The following ZNF658 variants were observed in gnomAD, a reference collection of about 807,000 sequenced individuals.
ZNF658 encodes zinc finger protein 658.
ZNF658 carries 46 observed loss-of-function variants against 78.0 expected under a neutral mutation model. The observed-to-expected ratio is 0.59, with a 90% CI of 0.47 to 0.75. The LOEUF (loss-of-function observed/expected upper bound fraction) is 0.75, where lower values mean the gene tolerates loss of function less well. Among genes scored for constraint, ZNF658 ranks in the 30% least tolerant of loss-of-function variants. The pLI is 0.00. For missense variants in ZNF658, 785 were observed against 1,189.3 expected, an observed-to-expected ratio of 0.66 and a Z score of 5.00; for synonymous variants, 279 against 408.4, an observed-to-expected ratio of 0.68 and a Z score of 3.82.
At position 66,908,524 on chromosome 9, in the gene ZNF658, C is replaced by A. The variant is rs1822134732; in HGVS notation, c.143-115C>A. 5 of 1,449,078 alleles carry A rather than the reference C, an allele frequency of 3.5e-6. No individual in the cohort carries two copies. The Admixed American group carries it at 1.3e-4, about 39-fold the overall frequency. 89.8% of individuals were successfully genotyped at this position (1,449,078 alleles called of 1,614,324 possible). On this transcript the variant is annotated intron_variant, in intron 3 of 4. Transcript: ENST00000621410. ...ACAAAAGCAACATGTCATTACTTTCCCATTAAAAATTTCAAATGAACACCC... is the reference window on the plus strand; with the variant it reads ...ACAAAAGCAACATGTCATTACTTTCACATTAAAAATTTCAAATGAACACCC...
intron 4 of ZNF658, among the ~76,000 whole-genome samples, chr9:66,909,589 G>A (rs1206570943): frequency 6.6e-6 from 1 of 151,858 alleles, no homozygotes; most frequent in Non-Finnish European, 1.5e-5. Context: ...TCCTAGGAGT[G>A]AAACTGCTGG....
intron 1 of ZNF658, 122 bp downstream of exon 1, chr9:66,900,958 C>A (rs575249674): frequency 6.6e-6 from 1 of 152,092 alleles, no homozygotes; most frequent in Non-Finnish European, 1.5e-5. Flanking sequence ...CTCTCCTCCC[C>A]GGCCCAGTGC....
In ZNF658 at chr9:66,917,837, C is replaced by T. The variant is rs748752930; in HGVS notation, c.271C>T (p.Arg91Trp). 1,785 of 1,464,896 alleles carry T rather than the reference C, an allele frequency of 1.2e-3. 15 individuals are homozygous for T. The highest frequency in any genetic ancestry group is 9.4e-3 in the Middle Eastern group (39 of 4,146). The allele number at this position is 1,464,896 out of a possible 1,614,324, so 90.7% of individuals were successfully genotyped here. ...YFKVDHIKGIREKQEKPLWQE... is the reference protein window; with the variant it reads ...YFKVDHIKGIWEKQEKPLWQE... ...TAAAGTTGATCACATCAAAGGGATCCGGGAAAAACAAGAAAAACCTCTGTG... is the reference window on the plus strand; with the variant it reads ...TAAAGTTGATCACATCAAAGGGATCTGGGAAAAACAAGAAAAACCTCTGTG... The change falls in exon 5 of 5, where the codon CGG (arginine) becomes TGG (tryptophan). Residue 91 changes from arginine (R) to tryptophan (W), a missense_variant. Coordinates refer to ENST00000621410, the MANE Select transcript of ZNF658 (RefSeq NM_033160.7).
chr9:66,918,759 A>G lies in ZNF658; in HGVS notation c.1193A>G (p.His398Arg), dbSNP rs1464351183. The G allele has an allele frequency of 6.8e-6, 11 of 1,613,822 alleles. No individual in the cohort carries two copies. The highest frequency in any genetic ancestry group is 1.6e-4 in the Middle Eastern group (1 of 6,078). ...AGAAAATCCTTTTACCGGAAAGCAC[A>G]CCTCATTCAGCATCAGAGGCCCCAC... ...KCRKSFYRKAHLIQHQRPHSG... is the reference protein window; with the variant it reads ...KCRKSFYRKARLIQHQRPHSG... The change falls in exon 5 of 5, where the codon CAC becomes CGC. Residue 398 changes from histidine (H) to arginine (R), a missense_variant. His to Arg is a conservative substitution (Grantham distance 29, BLOSUM62 0). Coordinates refer to ENST00000621410, the MANE Select transcript of ZNF658 (RefSeq NM_033160.7).
chr9:66,930,700 C>T (rs1365395522), intron 6 of ZNF658, among the ~76,000 whole-genome samples: 5 of 152,056 alleles, frequency 3.3e-5, no homozygotes, highest in African/African-American at 1.2e-4. Context: ...AATTTTCTCA[C>T]ATTTTTTCAA....
intron 4 of ZNF658, among the ~76,000 whole-genome samples, chr9:66,909,097 G>A (rs1218572650): frequency 1.3e-5 from 2 of 150,036 alleles, no homozygotes; most frequent in African/African-American, 4.9e-5. Flanking sequence ...ATGCCATTTT[G>A]TATCAAGGAC....
chr9:66,918,298 G>A lies in ZNF658; in HGVS notation c.732G>A (p.Lys244=), dbSNP rs1822390981. 3 of 1,613,700 alleles carry A rather than the reference G, an allele frequency of 1.9e-6. No individual in the cohort carries two copies. The highest frequency in any genetic ancestry group is 2.5e-6 in the Non-Finnish European group (3 of 1,179,826). The change falls in exon 5 of 5, where the codon AAG becomes AAA. Residue 244 remains lysine (K), a synonymous_variant. Transcript: ENST00000621410. The part of the protein sequence containing the change: ...QSFLTGEKSC[K]DDEFRKNFDK... ...TTCTAACAGGAGAAAAGTCCTGTAA[G>A]GATGATGAATTTAGAAAAAACTTTG...
intron 4 of ZNF658, among the ~76,000 whole-genome samples, chr9:66,909,004 T>C (rs561958879): frequency 2.0e-5 from 3 of 152,200 alleles, no homozygotes; most frequent in Non-Finnish European, 4.4e-5. Context: ...GTACATGGCA[T>C]TTACATTGTA....
chr9:66,926,030 T>C (rs1310871878), downstream of ZNF658, among the ~76,000 whole-genome samples: 4 of 135,154 alleles, frequency 3.0e-5, no homozygotes, highest in African/African-American at 1.0e-4. Flanking sequence ...TTGATAAAAT[T>C]TGACACTTTT....
At chr9:66,909,880 T>C (rs957588829) in intron 4 of ZNF658, among the ~76,000 whole-genome samples, 14 of 152,206 alleles carry the variant, frequency 9.2e-5, no homozygotes, top group African/African-American at 3.4e-4. Context: ...CTCATGATTC[T>C]GGAGGCTGGG....
rs566267403 is a variant in ZNF658, at chr9:66,918,698, G to C, written c.1132G>C (p.Asp378His). The change falls in exon 5 of 5, where the codon GAT becomes CAT. Residue 378 changes from aspartate (D) to histidine (H), a missense_variant. Coordinates refer to ENST00000621410, the MANE Select transcript of ZNF658 (RefSeq NM_033160.7). The part of the protein sequence containing the change: ...FTAHQRIHTE[D>H]KFYLSDEHGK... ...AGCACATCAGAGAATTCACACAGAA[G>C]ATAAATTCTACCTTTCTGATGAACA... is the stretch of plus-strand genomic sequence containing the variant. 6.2e-7 allele frequency: 1 copy of C among 1,613,778 alleles called. No individual in the cohort carries two copies. Among genetic ancestry groups the C allele is most frequent in the Non-Finnish European group, 8.5e-7 (1 of 1,179,860 alleles).
intron 4 of ZNF658, among the ~76,000 whole-genome samples, chr9:66,909,908 C>T (rs1822173627): frequency 6.6e-6 from 1 of 152,148 alleles, no homozygotes; most frequent in African/African-American, 2.4e-5. Flanking sequence ...AATGAAAGTA[C>T]TAATAAGTTG....
chr9:66,903,898 G>A (rs1007966578), intron 2 of ZNF658, among the ~76,000 whole-genome samples: 12 of 151,748 alleles, frequency 7.9e-5, no homozygotes, highest in African/African-American at 2.9e-4. Flanking sequence ...TAAACATAAA[G>A]ATAACAAAAT....
downstream of ZNF658, among the ~76,000 whole-genome samples, chr9:66,923,181 G>C (rs1350961486): frequency 6.7e-6 from 1 of 148,846 alleles, no homozygotes; most frequent in Non-Finnish European, 1.5e-5. Flanking sequence ...CAAACCACTG[G>C]TGTAAGTCCA....
chr9:66,925,594 T>TA (rs200166710), downstream of ZNF658, among the ~76,000 whole-genome samples: 8 of 151,502 alleles, frequency 5.3e-5, no homozygotes, highest in Non-Finnish European at 1.2e-4. Flanking sequence ...AAATCAGTAA[T>TA]AAAAAAAACT....
intron 1 of ZNF658, chr9:66,902,938 G>A (rs947828137): frequency 1.3e-5 from 2 of 151,046 alleles, no homozygotes; most frequent in Non-Finnish European, 3.0e-5. Context: ...TGTTGACCAG[G>A]CTGGTCTTGA....
intron 6 of ZNF658, among the ~76,000 whole-genome samples, chr9:66,929,079 T>C (rs1822614795): frequency 6.6e-6 from 1 of 152,184 alleles, no homozygotes; most frequent in African/African-American, 2.4e-5. Context: ...ACAGCTGTGA[T>C]AGCTAAACTT....
chr9:66,916,165 G>A (rs962957401), intron 4 of ZNF658, among the ~76,000 whole-genome samples: 1 of 152,088 alleles, frequency 6.6e-6, no homozygotes, highest in Non-Finnish European at 1.5e-5. Context: ...TGGGATTACA[G>A]GCGTGAGCCA....
In ZNF658 at chr9:66,920,861, T is replaced by C; in HGVS notation, c.*115T>C. The C allele has an allele frequency of 1.4e-6, 1 of 694,978 alleles. No individual in the cohort carries two copies. The highest frequency in any genetic ancestry group is 2.6e-6 in the Non-Finnish European group (1 of 387,242). The allele number at this position is 694,978 out of a possible 1,614,324, so 43.1% of individuals were successfully genotyped here. ...ATTAGGCTCATAGTTTGTGGAAAAA[T>C]CCCAATATGCCGTTTATTCAGGTGG... On this transcript the variant is annotated 3_prime_UTR_variant, in exon 5 of 5. Transcript: ENST00000621410.
Sources: allele counts gnomAD v4.1 joint callset (sites outside exome capture counted in the v4.1 genomes callset), GRCh38; gene constraint gnomAD v4.1.1; transcripts MANE v1.5; gene names NCBI Gene and HGNC (gene_info 2026-07-23, HGNC 2026-07-21).